Variants in MTIF2 observed in about 807,000 individuals in gnomAD.
MTIF2 encodes mitochondrial translational initiation factor 2, also known as translation initiation factor IF-2, mitochondrial.
MTIF2 carries 71 observed loss-of-function variants against 83.5 expected under a neutral mutation model. The ratio of observed to expected loss-of-function variants is 0.85; its 90% CI spans 0.70 to 1.04. MTIF2 has a LOEUF of 1.04. Ranked by LOEUF, MTIF2 falls within the 50% of genes least tolerant of loss-of-function variation. The probability of loss-of-function intolerance (pLI) is 0.00; values close to 1 mark genes in which losing one functional copy is unlikely to be tolerated. For synonymous variants in MTIF2, 319 were observed against 287.1 expected (o/e 1.11, Z -1.12); for missense variants, 957 against 846.5 (o/e 1.13, Z -1.62).
At position 55,236,622 on chromosome 2, in the gene MTIF2, G is replaced by A. The variant is rs1402066438; in HGVS notation, c.*26C>T. ...TCTACCTTCAAACAAACAACACGTT[G>A]AGTTATTTACATTTTTAATGTAATT... On this transcript the variant is annotated 3_prime_UTR_variant, in exon 16 of 16. Coordinates refer to ENST00000263629, the MANE Select transcript of MTIF2 (RefSeq NM_002453.3). 2 of 1,560,004 alleles carry A rather than the reference G, an allele frequency of 1.3e-6. No homozygotes were observed. The highest frequency in any genetic ancestry group is 1.2e-5 in the South Asian group (1 of 81,160).
intron 5 of MTIF2, among the ~76,000 whole-genome samples, chr2:55,256,236 C>T (rs993953233): frequency 6.6e-6 from 1 of 151,586 alleles, no homozygotes; most frequent in Non-Finnish European, 1.5e-5. Context: ...AATACAGAAT[C>T]CACACCTAAA....
Position 55,245,906 on chromosome 2 carries a change from G to A in MTIF2, c.1106+431C>T, listed in dbSNP as rs186634073. ...GTAAAGCAATGAGAAAACCTCTCTT[G>A]CTGATACAGAGGAAAATTCAAGCAC... On this transcript the variant is annotated intron_variant, in intron 10 of 15. Transcript: ENST00000263629. Among the ~76,000 whole-genome samples the A allele has an allele frequency of 1.1e-3, 171 of 152,260 alleles. 3 individuals carry two copies. Among genetic ancestry groups the A allele is most frequent in the Non-Finnish European group, 2.2e-4 (15 of 68,012 alleles).
chr2:55,249,346 T>C (rs775952189), intron 9 of MTIF2, 49 bp downstream of exon 9: 58 of 1,601,042 alleles, frequency 3.6e-5, no homozygotes, highest in Non-Finnish European at 4.7e-5. Context: ...GTGTGCATTA[T>C]GTACAGCATT....
intron 5 of MTIF2, among the ~76,000 whole-genome samples, chr2:55,256,562 T>C (rs557573228): frequency 1.8e-4 from 28 of 151,894 alleles, no homozygotes; most frequent in African/African-American, 5.5e-4. Flanking sequence ...AAAAATTAGC[T>C]GGGCATGGTG....
At chr2:55,265,652 T>A (rs1212693449) in intron 3 of MTIF2, among the ~76,000 whole-genome samples, 1 of 152,170 alleles carries the variant, frequency 6.6e-6, no homozygotes, top group Non-Finnish European at 1.5e-5. Flanking sequence ...CATTTTAATA[T>A]ATATATTTTC....
intron 13 of MTIF2, among the ~76,000 whole-genome samples, chr2:55,240,451 C>T (rs1023361131): frequency 6.6e-6 from 1 of 152,002 alleles, no homozygotes; most frequent in African/African-American, 2.4e-5. Flanking sequence ...GTGGTGGTGG[C>T]ACCTGTAATT....
rs777021064 is a variant in MTIF2 at position 55,254,662 on chromosome 2, A to T, written c.495T>A (p.Ala165=). Reference sequence around the variant, plus strand: ...ATACAGTTAAGTTTTACCTTCTTACAGCATCTTTATTTTTTCTGACTTTGT... The same window carrying T: ...ATACAGTTAAGTTTTACCTTCTTACTGCATCTTTATTTTTTCTGACTTTGT... ...KQDKVRKNKD[A]VRRPQADPAL... Residue 165 remains alanine, a synonymous_variant, in exon 6 of 16, where the codon GCT becomes GCA. Coordinates refer to ENST00000263629, the MANE Select transcript of MTIF2 (RefSeq NM_002453.3). 2 of 1,599,598 alleles carry T rather than the reference A, an allele frequency of 1.3e-6. No individual in the cohort carries two copies. Among genetic ancestry groups the T allele is most frequent in the Non-Finnish European group, 1.7e-6 (2 of 1,173,698 alleles).
chr2:55,251,448 C>G (rs1677087318), intron 8 of MTIF2, among the ~76,000 whole-genome samples: 1 of 152,272 alleles, frequency 6.6e-6, no homozygotes, highest in Admixed American at 6.5e-5. Context: ...GTTCTGGCTG[C>G]TGTCTGAGTC....
At chr2:55,246,891 T>A (rs943254836) in intron 9 of MTIF2, among the ~76,000 whole-genome samples, 1 of 152,212 alleles carries the variant, frequency 6.6e-6, no homozygotes, top group African/African-American at 2.4e-5. Flanking sequence ...AGATTTCACA[T>A]CTATTATTTC....
Position 55,242,707 on chromosome 2 carries a change from G to A in MTIF2, c.1705+233C>T, listed in dbSNP as rs117191812. 5.3e-5 allele frequency among the ~76,000 whole-genome samples: 8 copies of A among 152,210 alleles called. No homozygotes were observed. The East Asian group carries it at 1.5e-3, about 29-fold the overall frequency. ...TAAAAAAAAAAGATAAACGTGACCAGGTCTTGAAATAGTTCCCCAAAACTG... is the reference window on the plus strand; with the variant it reads ...TAAAAAAAAAAGATAAACGTGACCAAGTCTTGAAATAGTTCCCCAAAACTG... On this transcript the variant is annotated intron_variant, in intron 13 of 15. Transcript: ENST00000263629.
intron 5 of MTIF2, among the ~76,000 whole-genome samples, chr2:55,260,477 T>G (rs1037286335): frequency 1.3e-5 from 2 of 151,032 alleles, no homozygotes; most frequent in African/African-American, 4.9e-5. Context: ...GCACAAAAAG[T>G]AGTAACACTT....
chr2:55,242,563 C>T (rs937303977), intron 13 of MTIF2, among the ~76,000 whole-genome samples: 1 of 152,022 alleles, frequency 6.6e-6, no homozygotes, highest in Non-Finnish European at 1.5e-5. Flanking sequence ...AAGGAAAGAA[C>T]TGAATAGGGT....
At chr2:55,253,678 G>A (rs911909665) in intron 7 of MTIF2, among the ~76,000 whole-genome samples, 1 of 152,128 alleles carries the variant, frequency 6.6e-6, no homozygotes, top group Non-Finnish European at 1.5e-5. Context: ...AGCCAGGCAC[G>A]GTGGTGCACA....
rs773173803 is a variant in MTIF2 at position 55,243,467 on chromosome 2, G to C, written c.1513C>G (p.Pro505Ala). 6.2e-7 allele frequency: 1 copy of C among 1,613,066 alleles called. No homozygotes were observed. Among genetic ancestry groups the C allele is most frequent in the Non-Finnish European group, 8.5e-7 (1 of 1,179,328 alleles). Residue 505 changes from proline to alanine, a missense_variant, in exon 12 of 16, where the codon CCA becomes GCA. Physicochemically the swap from Pro to Ala is conservative, Grantham distance 27. Around this residue, in one of 3 missense-constraint regions of MTIF2, gnomAD observed 733 missense variants for 648.7 expected, o/e 1.13. Transcript: ENST00000263629. The stretch of plus-strand genomic sequence containing the variant: ...GAATCTCTTTCCCTTTTCTCTTTTG[G>C]CTTTAAGGGTATTTGTTCTTTTCTT... ...LERKEQIPLKPKEKRERDSNV... is the reference protein window; with the variant it reads ...LERKEQIPLKAKEKRERDSNV...
chr2:55,250,581 T>C (rs778328610), intron 8 of MTIF2, among the ~76,000 whole-genome samples: 6 of 152,218 alleles, frequency 3.9e-5, no homozygotes, highest in Non-Finnish European at 7.3e-5. Flanking sequence ...ATACTATTTA[T>C]TCATACACCT....
chr2:55,252,547 C>T lies in MTIF2; in HGVS notation c.771G>A (p.Leu257=). ...RGAQVTDIVV[L]VVAADDGVMK... is the part of the protein sequence containing the mutation. ...TCACTCCATCATCTGCAGCTACAACCAATACGACAATGTCAGTGACCTGAG... is the reference window on the plus strand; with the variant it reads ...TCACTCCATCATCTGCAGCTACAACTAATACGACAATGTCAGTGACCTGAG... The change falls in exon 8 of 16, where the codon TTG becomes TTA. Residue 257 remains leucine, a synonymous_variant. Transcript: ENST00000263629. 6.2e-7 allele frequency: 1 copy of T among 1,614,110 alleles called. No homozygotes were observed. Among genetic ancestry groups the T allele is most frequent in the South Asian group, 1.1e-5 (1 of 91,072 alleles).
intron 5 of MTIF2, among the ~76,000 whole-genome samples, chr2:55,260,017 A>G (rs1489439345): frequency 6.6e-6 from 1 of 152,222 alleles, no homozygotes; most frequent in Non-Finnish European, 1.5e-5. Context: ...TTTTCCTTAG[A>G]AAAATTCTGA....
intron 9 of MTIF2, 33 bp from the exon 10 acceptor site, chr2:55,246,494 TAATA>T: frequency 6.3e-7 from 1 of 1,579,706 alleles, no homozygotes; most frequent in Non-Finnish European, 8.7e-7. Flanking sequence ...TAATACACAT[TAATA>T]AATATTATCT....
chr2:55,268,650 C>T lies in MTIF2; in HGVS notation c.-147G>A, dbSNP rs1483548046. On this transcript the variant is annotated 5_prime_UTR_variant, in exon 2 of 16. Transcript: ENST00000263629. ...CAAAAAAGCTTCTCCAATGTCATACCGCTAGTTAATGGCAGTCAAGACTAG... is the reference window on the plus strand; with the variant it reads ...CAAAAAAGCTTCTCCAATGTCATACTGCTAGTTAATGGCAGTCAAGACTAG... 2 of 152,248 alleles carry T rather than the reference C, an allele frequency of 1.3e-5. No homozygotes were observed. Among genetic ancestry groups the T allele is most frequent in the East Asian group, 1.9e-4 (1 of 5,190 alleles). The allele number at this position is 152,248 out of a possible 1,614,324, so 9.4% of individuals were successfully genotyped here.
Sources: allele counts gnomAD v4.1 joint callset (sites outside exome capture counted in the v4.1 genomes callset), GRCh38; gene constraint gnomAD v4.1.1; regional missense constraint gnomAD v4.1.1; transcripts MANE v1.5; gene names NCBI Gene and HGNC (gene_info 2026-07-23, HGNC 2026-07-21).